Variants in DOCK3 observed in about 807,000 individuals in gnomAD.
The protein encoded by DOCK3 is dedicator of cytokinesis 3, also known as dedicator of cytokinesis protein 3.
Under a neutral mutation model 265.6 loss-of-function variants are expected in DOCK3, and 60 were observed. That is an observed-to-expected ratio of 0.23 (90% CI 0.18 to 0.28). The LOEUF (loss-of-function observed/expected upper bound fraction) is 0.28, where lower values mean the gene tolerates loss of function less well. DOCK3 is among the 10% of genes least tolerant of loss of function. The pLI, the probability that DOCK3 is intolerant of heterozygous loss-of-function variation, is 1.00. For synonymous variants in DOCK3, 881 were observed against 938.0 expected (o/e 0.94, Z 1.11); for missense variants, 1,981 against 2,594.3 (o/e 0.76, Z 5.14).
intron 2 of DOCK3, among the ~76,000 whole-genome samples, chr3:50,836,417 A>G: frequency 6.6e-6 from 1 of 152,236 alleles, no homozygotes; most frequent in East Asian, 1.9e-4. Context: ...GAAGCTGCCA[A>G]GGCATGGAGC....
chr3:51,248,300 C>A (rs1288684094), intron 22 of DOCK3, among the ~76,000 whole-genome samples: 1 of 152,264 alleles, frequency 6.6e-6, no homozygotes, highest in Non-Finnish European at 1.5e-5. Context: ...AGAGCTGATT[C>A]TCCTGCCTCA....
At chr3:50,894,108 A>C (rs184562456) in intron 4 of DOCK3, among the ~76,000 whole-genome samples, 26 of 152,236 alleles carry the variant, frequency 1.7e-4, no homozygotes, top group African/African-American at 6.3e-4. Flanking sequence ...GTGCACATGT[A>C]CCCTAGAACT....
chr3:51,022,730 A>G (rs1468129889), intron 5 of DOCK3, among the ~76,000 whole-genome samples: 2 of 152,086 alleles, frequency 1.3e-5, no homozygotes, highest in African/African-American at 4.8e-5. Context: ...ATTAGGTCCA[A>G]ATTGTCAATT....
intron 1 of DOCK3, among the ~76,000 whole-genome samples, chr3:50,684,393 C>T (rs1432043228): frequency 4.6e-5 from 7 of 152,136 alleles, no homozygotes; most frequent in Non-Finnish European, 1.0e-4. Flanking sequence ...TTTTATTAAT[C>T]CTGATGGTAT....
intron 3 of DOCK3, among the ~76,000 whole-genome samples, chr3:50,856,457 CAT>C (rs1011506732): frequency 2.2e-4 from 33 of 149,632 alleles, no homozygotes; most frequent in Non-Finnish European, 3.0e-4. Context: ...TTTTTTTTTT[CAT>C]ATGTTTGTTG....
intron 1 of DOCK3, among the ~76,000 whole-genome samples, chr3:50,722,955 A>G (rs567753493): frequency 4.8e-4 from 73 of 151,920 alleles, no homozygotes; most frequent in Admixed American, 3.9e-3. Context: ...TACTTGTTTT[A>G]TAGAGACAGG....
intron 5 of DOCK3, among the ~76,000 whole-genome samples, chr3:50,960,107 T>C (rs180937576): frequency 3.9e-5 from 6 of 152,366 alleles, no homozygotes; most frequent in Non-Finnish European, 7.3e-5. Context: ...CATTTTATCA[T>C]TCATTGGATT....
At chr3:51,125,071 G>A (rs545002235) in intron 9 of DOCK3, among the ~76,000 whole-genome samples, 40 of 151,924 alleles carry the variant, frequency 2.6e-4, no homozygotes, top group Non-Finnish European at 4.7e-4. Flanking sequence ...CCTAGGAGCC[G>A]AGATCACGCC....
At chr3:50,945,496 T>C (rs529488491) in intron 5 of DOCK3, among the ~76,000 whole-genome samples, 2 of 152,346 alleles carry the variant, frequency 1.3e-5, no homozygotes, top group African/African-American at 4.8e-5. Flanking sequence ...ATGTTTTATT[T>C]TTTAAAGAGT....
chr3:50,982,436 G>C (rs1445712562), intron 5 of DOCK3, among the ~76,000 whole-genome samples: 1 of 152,162 alleles, frequency 6.6e-6, no homozygotes, highest in African/African-American at 2.4e-5. Flanking sequence ...GCTGGCTGCA[G>C]TGGGGAGGTG....
chr3:50,985,234 T>C (rs2077855601), intron 5 of DOCK3, among the ~76,000 whole-genome samples: 1 of 152,256 alleles, frequency 6.6e-6, no homozygotes, highest in Admixed American at 6.5e-5. Flanking sequence ...GGTTTTTCTG[T>C]ATTGCACATA....
At chr3:51,218,126 TTAAAA>T (rs1217264719) in intron 14 of DOCK3, among the ~76,000 whole-genome samples, 1 of 138,260 alleles carries the variant, frequency 7.2e-6, no homozygotes, top group Non-Finnish European at 1.6e-5. Context: ...AAATAAAAAA[TTAAAA>T]TAAAATAAAA....
chr3:51,021,661 C>CT (rs61097732), intron 5 of DOCK3, among the ~76,000 whole-genome samples: 37 of 142,830 alleles, frequency 2.6e-4, no homozygotes, highest in African/African-American at 7.2e-4. Context: ...GGAGAACTTC[C>CT]TTTTTTTTTT....
chr3:50,795,359 G>C (rs578251141), intron 2 of DOCK3, among the ~76,000 whole-genome samples: 1 of 152,158 alleles, frequency 6.6e-6, no homozygotes, highest in African/African-American at 2.4e-5. Context: ...CTCTTTCAGG[G>C]ACACCAATGA....
intron 23 of DOCK3, among the ~76,000 whole-genome samples, chr3:51,261,258 T>C (rs1433150701): frequency 2.6e-5 from 4 of 151,234 alleles, no homozygotes; most frequent in Admixed American, 2.0e-4. Flanking sequence ...GGTGCACCCA[T>C]GGAGGGCAAG....
chr3:50,760,749 T>G (rs1182959977), intron 1 of DOCK3, among the ~76,000 whole-genome samples: 1 of 152,176 alleles, frequency 6.6e-6, no homozygotes, highest in Non-Finnish European at 1.5e-5. Context: ...CTTGCTGAAC[T>G]AGTTTGCTAC....
At chr3:50,877,374 C>A (rs1308051597) in intron 3 of DOCK3, 4 of 510,214 alleles carry the variant, frequency 7.8e-6, no homozygotes, top group African/African-American at 1.9e-5. Flanking sequence ...TCATCATAAT[C>A]CAGTTATGGT....
At chr3:51,287,170 A>C (rs1269181402) in intron 27 of DOCK3, among the ~76,000 whole-genome samples, 2 of 152,238 alleles carry the variant, frequency 1.3e-5, no homozygotes, top group East Asian at 3.8e-4. Flanking sequence ...GACACTTTTC[A>C]AAAGAGGACA....
chr3:51,299,612 T>C (rs2082273935), intron 27 of DOCK3, among the ~76,000 whole-genome samples: 1 of 152,208 alleles, frequency 6.6e-6, no homozygotes, highest in African/African-American at 2.4e-5. Context: ...AAGGAAGGTG[T>C]CCAGCTTCAA....
Sources: allele counts gnomAD v4.1 joint callset (sites outside exome capture counted in the v4.1 genomes callset), GRCh38; gene constraint gnomAD v4.1.1; transcripts MANE v1.5; gene names NCBI Gene and HGNC (gene_info 2026-07-23, HGNC 2026-07-21).